Variants in NAV3 observed in about 807,000 individuals in gnomAD.
NAV3 encodes neuron navigator 3.
A neutral mutation model predicts 244.7 loss-of-function variants in NAV3; 87 were observed. The ratio of observed to expected loss-of-function variants is 0.36; its 90% CI spans 0.30 to 0.42. The LOEUF (loss-of-function observed/expected upper bound fraction) is 0.42, where lower values mean the gene tolerates loss of function less well. Among genes scored for constraint, NAV3 ranks in the 20% least tolerant of loss-of-function variants. The pLI is 1.00. For synonymous variants in NAV3, 1,126 were observed against 1,042.2 expected (o/e 1.08, Z -1.55); for missense variants, 2,663 against 2,893.3 (o/e 0.92, Z 1.83).
chr12:78,075,399 T>C (rs1331548092), intron 12 of NAV3, among the ~76,000 whole-genome samples: 1 of 152,148 alleles, frequency 6.6e-6, no homozygotes, highest in Non-Finnish European at 1.5e-5. Flanking sequence ...CAGAAAATCA[T>C]ACTAAAACCG....
At chr12:77,791,488 A>C (rs1871172973) in intron 2 of NAV3, among the ~76,000 whole-genome samples, 1 of 152,178 alleles carries the variant, frequency 6.6e-6, no homozygotes, top group Non-Finnish European at 1.5e-5. Context: ...AAGATCCAAC[A>C]GGCTTAGCTC....
chr12:77,807,640 T>C (rs184254723), intron 2 of NAV3, among the ~76,000 whole-genome samples: 14 of 152,326 alleles, frequency 9.2e-5, no homozygotes, highest in Middle Eastern at 3.4e-3. Context: ...TTGATGAATC[T>C]GACGATTACG....
chr12:77,877,202 T>C (rs1677921), intron 1 of NAV3, among the ~76,000 whole-genome samples: 23,388 of 152,102 alleles, frequency 0.15, 2,055 homozygotes, highest in African/African-American at 0.24. Context: ...AAAAAGAGAA[T>C]ATTTCCCATT....
chr12:78,164,844 TAGAAG>T (rs2139490532), intron 23 of NAV3, among the ~76,000 whole-genome samples: 1 of 152,140 alleles, frequency 6.6e-6, no homozygotes, highest in Admixed American at 6.6e-5. Context: ...CAGGCTTGCC[TAGAAG>T]GTCAAGTTAG....
chr12:77,945,916 T>C (rs1196186846), intron 3 of NAV3, among the ~76,000 whole-genome samples: 1 of 151,546 alleles, frequency 6.6e-6, no homozygotes, highest in African/African-American at 2.4e-5. Flanking sequence ...ACCTGGCTAA[T>C]ATTTTTTAAT....
chr12:78,139,279 C>G (rs1956504632), intron 19 of NAV3, among the ~76,000 whole-genome samples: 1 of 152,086 alleles, frequency 6.6e-6, no homozygotes, highest in African/African-American at 2.4e-5. Context: ...CATCTACAAG[C>G]CTAGTGCAGC....
chr12:77,785,519 A>G (rs893293956), intron 2 of NAV3, among the ~76,000 whole-genome samples: 8 of 152,138 alleles, frequency 5.3e-5, no homozygotes, highest in Non-Finnish European at 1.0e-4. Flanking sequence ...GGACAAACAA[A>G]AAAGTAACCT....
At chr12:78,020,970 G>A (rs2136799553) in intron 8 of NAV3, among the ~76,000 whole-genome samples, 1 of 152,220 alleles carries the variant, frequency 6.6e-6, no homozygotes, top group Non-Finnish European at 1.5e-5. Flanking sequence ...TAAAATGTGT[G>A]TTAGTTTGTG....
At chr12:77,755,017 GT>G (rs1248454784) in intron 2 of NAV3, among the ~76,000 whole-genome samples, 1 of 152,108 alleles carries the variant, frequency 6.6e-6, no homozygotes, top group Non-Finnish European at 1.5e-5. Context: ...ATCGGGAAAA[GT>G]TTTTTTGCTG....
chr12:77,695,389 C>T (rs1875248908), intron 2 of NAV3, among the ~76,000 whole-genome samples: 1 of 152,102 alleles, frequency 6.6e-6, no homozygotes, highest in East Asian at 1.9e-4. Flanking sequence ...TTTTCCAGCA[C>T]CATTTATTGA....
chr12:77,644,399 C>T (rs2136963510), intron 2 of NAV3, among the ~76,000 whole-genome samples: 1 of 152,108 alleles, frequency 6.6e-6, no homozygotes, highest in Non-Finnish European at 1.5e-5. Flanking sequence ...TAAAGTTTTA[C>T]ATTATTCTTG....
chr12:77,791,183 G>T (rs11106701), intron 2 of NAV3, among the ~76,000 whole-genome samples: 1 of 151,780 alleles, frequency 6.6e-6, no homozygotes, highest in African/African-American at 2.4e-5. Flanking sequence ...GTGAAACCCC[G>T]TCTCTACTAA....
chr12:77,942,826 G>A (rs1034643691), intron 3 of NAV3, among the ~76,000 whole-genome samples: 2 of 152,168 alleles, frequency 1.3e-5, no homozygotes, highest in African/African-American at 2.4e-5. Context: ...GGACACATGC[G>A]TGGATTAACA....
intron 2 of NAV3, among the ~76,000 whole-genome samples, chr12:77,671,953 G>A (rs1450875499): frequency 6.6e-6 from 1 of 152,096 alleles, no homozygotes; most frequent in African/African-American, 2.4e-5. Flanking sequence ...TAAACAATCA[G>A]TAGAGTTAAC....
At chr12:77,829,500 A>T (rs904100674), upstream of NAV3, among the ~76,000 whole-genome samples, 9 of 152,158 alleles carry the variant, frequency 5.9e-5, no homozygotes, top group African/African-American at 2.2e-4. Flanking sequence ...TCTTATTATG[A>T]ACTAAACCTC....
At chr12:78,202,189 T>C (rs1451503580) in intron 38 of NAV3, among the ~76,000 whole-genome samples, 1 of 152,116 alleles carries the variant, frequency 6.6e-6, no homozygotes, top group Non-Finnish European at 1.5e-5. Context: ...AAAACTACTA[T>C]AGGATATACA....
At chr12:78,023,139 T>C (rs1361087244) in intron 9 of NAV3, among the ~76,000 whole-genome samples, 1 of 152,212 alleles carries the variant, frequency 6.6e-6, no homozygotes, top group Admixed American at 6.5e-5. Context: ...TACATAAATG[T>C]CCTCAAATTG....
chr12:77,735,222 C>T (rs1466772600), intron 2 of NAV3, among the ~76,000 whole-genome samples: 1 of 152,022 alleles, frequency 6.6e-6, no homozygotes, highest in African/African-American at 2.4e-5. Context: ...TTCTAAGATA[C>T]ATATTGAAAA....
rs116649077 is a variant in NAV3 at position 77,664,400 on chromosome 12, G to A, written c.72+92134G>A. Among the ~76,000 whole-genome samples the A allele has an allele frequency of 2.7e-3, 409 of 152,232 alleles. 2 individuals carry two copies. Among genetic ancestry groups the A allele is most frequent in the African/African-American group, 9.6e-3 (397 of 41,538 alleles). ...GAAGAGTTGGCTAAATATTCAATAG[G>A]TTGGTATCCAGTGCTGCCTCACAAT... On this transcript the variant is annotated intron_variant, in intron 2 of 8. Transcript: ENST00000550042.
Sources: gnomAD v4.1 joint callset for allele counts (sites outside exome capture counted in the v4.1 genomes callset) on GRCh38, gnomAD v4.1.1 for gene constraint, MANE v1.5 for transcripts, NCBI Gene and HGNC (gene_info 2026-07-23, HGNC 2026-07-21) for gene names.